The following RB1 variants were observed in gnomAD, a reference collection of about 807,000 sequenced individuals.
RB1 encodes retinoblastoma-associated protein.
Under a neutral mutation model 135.4 loss-of-function variants are expected in RB1, and 18 were observed. That is an observed-to-expected ratio of 0.13 (90% confidence interval 0.09 to 0.20). The LOEUF is 0.20. RB1 is among the 10% of genes least tolerant of loss of function. The pLI is 1.00. For synonymous variants in RB1, 365 were observed against 373.2 expected, an observed-to-expected ratio of 0.98 and a Z score of 0.25; for missense variants, 868 against 1,110.0, an observed-to-expected ratio of 0.78 and a Z score of 3.10.
chr13:48,479,474 T>C (rs1026499642), intron 26 of RB1, among the ~76,000 whole-genome samples: 1 of 152,234 alleles, frequency 6.6e-6, no homozygotes, highest in African/African-American at 2.4e-5. Flanking sequence ...AAGTCATCTT[T>C]TGGGGTACAT....
intron 6 of RB1, among the ~76,000 whole-genome samples, chr13:48,351,695 A>G (rs1952549825): frequency 6.7e-6 from 1 of 149,868 alleles, no homozygotes; most frequent in South Asian, 2.1e-4. Flanking sequence ...TTTTTTTGAG[A>G]CAGAGTCTCA....
intron 17 of RB1, chr13:48,389,681 A>G (rs1948597180): frequency 6.6e-6 from 1 of 152,166 alleles, no homozygotes; most frequent in African/African-American, 2.4e-5. Flanking sequence ...GCCTGGAGCT[A>G]TAGGGTCCAC....
At chr13:48,318,077 A>AGAGGCG (rs1952201417) in intron 2 of RB1, 1 of 539,924 alleles carries the variant, frequency 1.9e-6, no homozygotes, top group African/African-American at 1.9e-5. Flanking sequence ...GATTCCCTTC[A>AGAGGCG]GAGGCGGAGG....
chr13:48,354,945 AC>A (rs1477304748), intron 6 of RB1, among the ~76,000 whole-genome samples: 1 of 152,128 alleles, frequency 6.6e-6, no homozygotes, highest in East Asian at 1.9e-4. Flanking sequence ...TAAATCTAAG[AC>A]CTTAAACTAT....
At chr13:48,473,741 A>G (rs542617170) in intron 24 of RB1, among the ~76,000 whole-genome samples, 39 of 151,884 alleles carry the variant, frequency 2.6e-4, no homozygotes, top group African/African-American at 9.4e-4. Context: ...CTATTCTTCA[A>G]CTCTCTGGTG....
intron 2 of RB1, among the ~76,000 whole-genome samples, chr13:48,324,558 TG>T (rs1259266992): frequency 6.6e-6 from 1 of 152,186 alleles, no homozygotes; most frequent in Admixed American, 6.5e-5. Flanking sequence ...GTTTTATGGC[TG>T]AATAACATTC....
intron 17 of RB1, among the ~76,000 whole-genome samples, chr13:48,399,415 A>G (rs917712912): frequency 6.6e-6 from 1 of 152,092 alleles, no homozygotes; most frequent in African/African-American, 2.4e-5. Context: ...TAAGATAGAT[A>G]AGCAGAAAGA....
intron 17 of RB1, chr13:48,444,985 GTAGTT>G (rs1199855103): frequency 3.3e-5 from 1 of 30,288 alleles, no homozygotes; most frequent in Non-Finnish European, 1.3e-4. Flanking sequence ...TGAGTAAATA[GTAGTT>G]TTTTTTTTTT....
intron 2 of RB1, among the ~76,000 whole-genome samples, chr13:48,314,037 C>T (rs886799170): frequency 5.9e-5 from 9 of 152,196 alleles, no homozygotes; most frequent in East Asian, 1.9e-4. Flanking sequence ...CGTGAGCCAC[C>T]GCGCCTGGCC....
chr13:48,442,564 G>C (rs767422353), intron 17 of RB1, among the ~76,000 whole-genome samples: 13 of 152,094 alleles, frequency 8.5e-5, no homozygotes, highest in Non-Finnish European at 1.5e-4. Context: ...TCTTTAACAA[G>C]GTTTTTTTCC....
intron 6 of RB1, among the ~76,000 whole-genome samples, chr13:48,353,194 G>A (rs1466889745): frequency 1.3e-5 from 2 of 151,886 alleles, no homozygotes; most frequent in East Asian, 1.9e-4. Context: ...AAATTGACAA[G>A]CCTTTAGCTA....
intron 11 of RB1, among the ~76,000 whole-genome samples, chr13:48,370,899 T>C (rs1321253611): frequency 6.6e-6 from 1 of 152,220 alleles, no homozygotes; most frequent in Non-Finnish European, 1.5e-5. Context: ...ATCCAGATGC[T>C]TCCTAGGGGC....
At chr13:48,439,958 A>AT (rs1949220639) in intron 17 of RB1, 3 of 152,204 alleles carry the variant, frequency 2.0e-5, no homozygotes, top group Admixed American at 1.3e-4. Flanking sequence ...GAGATTAGAT[A>AT]GATACATGCA....
intron 17 of RB1, among the ~76,000 whole-genome samples, chr13:48,413,916 T>C (rs1948862198): frequency 6.6e-6 from 1 of 152,214 alleles, no homozygotes; most frequent in African/African-American, 2.4e-5. Context: ...TTTAGGTTCA[T>C]AGTCTTATCT....
Position 48,328,192 on chromosome 13 carries a change from A to C in RB1, c.265-14407A>C, listed in dbSNP as rs1952303971. 30 of 1,485,372 alleles carry C rather than the reference A, an allele frequency of 2.0e-5. No individual in the cohort carries two copies. The South Asian group carries it at 3.3e-4, about 16-fold the overall frequency. 92.0% of individuals were successfully genotyped at this position (1,485,372 alleles called of 1,614,324 possible). Reference sequence around the variant, plus strand: ...TTATTGAAGGAGTTTGGTCCAGCTGATGTTGGTGTATCCCTTGCAATATTC... The same window carrying C: ...TTATTGAAGGAGTTTGGTCCAGCTGCTGTTGGTGTATCCCTTGCAATATTC... On this transcript the variant is annotated intron_variant, in intron 2 of 26. Coordinates refer to ENST00000267163, the MANE Select transcript of RB1 (RefSeq NM_000321.3).
In RB1 at chr13:48,376,806, G is replaced by T. The variant is rs540418830; in HGVS notation, c.1216-112G>T. ...TTGTGGTTACCTAGTTATTATGGAA[G>T]TGTTTCCACATTTTTATGAACAATT... On this transcript the variant is annotated intron_variant, in intron 12 of 26. Coordinates refer to ENST00000267163, the MANE Select transcript of RB1 (RefSeq NM_000321.3). The T allele has an allele frequency of 6.6e-6, 10 of 1,513,074 alleles. No homozygotes were observed. The East Asian group carries it at 6.9e-5, about 10-fold the overall frequency. 93.7% of individuals were successfully genotyped at this position (1,513,074 alleles called of 1,614,324 possible).
intron 2 of RB1, among the ~76,000 whole-genome samples, chr13:48,329,780 A>AC (rs1384245835): frequency 3.3e-5 from 5 of 152,180 alleles, no homozygotes; most frequent in Non-Finnish European, 5.9e-5. Context: ...CATTGTGTAG[A>AC]ATAAGAATGG....
intron 17 of RB1, among the ~76,000 whole-genome samples, chr13:48,393,959 G>A (rs1358296451): frequency 6.6e-6 from 1 of 152,186 alleles, no homozygotes; most frequent in African/African-American, 2.4e-5. Context: ...GGATGGGCTG[G>A]CAAGATAGCC....
chr13:48,335,199 T>C (rs74075923), intron 2 of RB1, among the ~76,000 whole-genome samples: 3,154 of 152,240 alleles, frequency 0.021, 98 homozygotes, highest in African/African-American at 0.072. Context: ...TATTTTTACA[T>C]ATCCCTTTAA....
Sources: gnomAD v4.1 joint callset for allele counts (sites outside exome capture counted in the v4.1 genomes callset) on GRCh38, gnomAD v4.1.1 for gene constraint, MANE v1.5 for transcripts, NCBI Gene and HGNC (gene_info 2026-07-23, HGNC 2026-07-21) for gene names.